SLC25A17: variants seen among roughly 807,000 people sequenced by gnomAD.
SLC25A17 encodes peroxisomal membrane protein PMP34.
Under a neutral mutation model 38.5 loss-of-function variants are expected in SLC25A17, and 26 were observed. The ratio of observed to expected loss-of-function variants is 0.68; its 90% confidence interval spans 0.50 to 0.94. The LOEUF is 0.94. Ranked by LOEUF, SLC25A17 falls within the 40% of genes least tolerant of loss-of-function variation. The pLI is 0.00. For missense variants in SLC25A17, 333 were observed against 372.7 expected, an observed-to-expected ratio of 0.89 and a Z score of 0.88; for synonymous variants, 139 against 136.2, an observed-to-expected ratio of 1.02 and a Z score of -0.14.
intron 4 of SLC25A17, among the ~76,000 whole-genome samples, chr22:40,783,630 C>T (rs930001865): frequency 6.6e-6 from 1 of 151,440 alleles, no homozygotes; most frequent in Admixed American, 6.6e-5. Context: ...TAATTTTTTA[C>T]CATTCCCAGC....
intron 1 of SLC25A17, among the ~76,000 whole-genome samples, chr22:40,809,969 T>C (rs1191824248): frequency 6.6e-6 from 1 of 152,234 alleles, no homozygotes. Flanking sequence ...TATCCTACAA[T>C]TAATGTCTTA....
At position 40,799,063 on chromosome 22, in the gene SLC25A17, T is replaced by C. The variant is rs764306741; in HGVS notation, c.75A>G (p.Thr25=). ...AGAVGSVTAM[T]VFFPLDTARL... is the part of the protein sequence containing the mutation. ...TAGCTGTATCCAGGGGAAAAAACAC[T>C]GTCATTGCTGTCACGCTTCCCTGAA... Residue 25 remains threonine (T), a synonymous_variant, in exon 2 of 9, where the codon ACA becomes ACG. Transcript: ENST00000435456. The C allele has an allele frequency of 1.2e-6, 2 of 1,613,696 alleles. No individual in the cohort carries two copies. The highest frequency in any genetic ancestry group is 1.7e-6 in the Non-Finnish European group (2 of 1,179,702).
chr22:40,800,095 TTTGC>T (rs1709911954), intron 1 of SLC25A17, among the ~76,000 whole-genome samples: 2 of 152,328 alleles, frequency 1.3e-5, no homozygotes, highest in Non-Finnish European at 2.9e-5. Flanking sequence ...GAAATAGTAG[TTTGC>T]TTGTGTTTTA....
rs538884575 is a variant in SLC25A17 at position 40,811,380 on chromosome 22, T to A, written c.54+7815A>T. 1.5e-4 allele frequency among the ~76,000 whole-genome samples: 23 copies of A among 151,882 alleles called. No individual in the cohort carries two copies. In the South Asian group the frequency reaches 4.6e-3, roughly 30 times the overall value. On this transcript the variant is annotated intron_variant, in intron 1 of 8. Coordinates refer to ENST00000435456, the MANE Select transcript of SLC25A17 (RefSeq NM_006358.4). ...TGCTGGGATTACAGGAGTGAGTCAATGAGCCTGGCCAATCGTGCAGTAACT... is the reference window on the plus strand; with the variant it reads ...TGCTGGGATTACAGGAGTGAGTCAAAGAGCCTGGCCAATCGTGCAGTAACT...
chr22:40,784,105 T>C (rs1425877041), intron 4 of SLC25A17, among the ~76,000 whole-genome samples: 1 of 152,194 alleles, frequency 6.6e-6, no homozygotes, highest in Non-Finnish European at 1.5e-5. Flanking sequence ...TCCTTGTTTA[T>C]TGTCTATCTT....
At chr22:40,781,399 C>T (rs2057293408) in intron 4 of SLC25A17, among the ~76,000 whole-genome samples, 1 of 152,126 alleles carries the variant, frequency 6.6e-6, no homozygotes, top group Admixed American at 6.5e-5. Flanking sequence ...GCGCCCGCCA[C>T]TGCGCCCGAC....
intron 4 of SLC25A17, chr22:40,779,659 A>C: frequency 6.1e-6 from 1 of 163,596 alleles, no homozygotes; most frequent in Non-Finnish European, 1.4e-5. Context: ...CTCGCTGAAG[A>C]GTTCCTCCTT....
chr22:40,776,022 A>G lies in SLC25A17; in HGVS notation c.693+1018T>C, dbSNP rs6002127. ...AATGCACTTTCGTCCACTCTGCCCC[A>G]CTAGGGCCTTACCCTCCTTTGCATC... On this transcript the variant is annotated intron_variant, in intron 7 of 8. Coordinates refer to ENST00000435456, the MANE Select transcript of SLC25A17 (RefSeq NM_006358.4). Among the ~76,000 whole-genome samples, 548 of 152,262 alleles carry G rather than the reference A, an allele frequency of 3.6e-3. 5 individuals carry two copies. Among genetic ancestry groups the G allele is most frequent in the African/African-American group, 0.013 (527 of 41,548 alleles).
At chr22:40,776,888 T>C in intron 7 of SLC25A17, 152 bp downstream of exon 7, 1 of 668,728 alleles carries the variant, frequency 1.5e-6, no homozygotes, top group South Asian at 1.9e-5. Context: ...AGGGAGATCC[T>C]GTCTCAAAAA....
At chr22:40,786,973 C>A (rs2057343892) in intron 4 of SLC25A17, among the ~76,000 whole-genome samples, 1 of 152,118 alleles carries the variant, frequency 6.6e-6, no homozygotes, top group African/African-American at 2.4e-5. Context: ...GTGGAAATAA[C>A]AAAAATGTAA....
At chr22:40,806,480 T>C (rs1192096502) in intron 1 of SLC25A17, among the ~76,000 whole-genome samples, 5 of 152,226 alleles carry the variant, frequency 3.3e-5, no homozygotes, top group Admixed American at 1.3e-4. Context: ...GGGAAATCCA[T>C]TGGGGCCAGA....
chr22:40,812,031 CTT>C (rs1602630068), intron 1 of SLC25A17, among the ~76,000 whole-genome samples: 1 of 151,160 alleles, frequency 6.6e-6, no homozygotes, highest in Non-Finnish European at 1.5e-5. Context: ...TTCTCTTTTT[CTT>C]TCTCTCTCTC....
chr22:40,795,884 T>C (rs2057425021), intron 2 of SLC25A17, among the ~76,000 whole-genome samples: 1 of 152,056 alleles, frequency 6.6e-6, no homozygotes, highest in African/African-American at 2.4e-5. Flanking sequence ...ACCTTCTGGG[T>C]GCAAGCAATT....
At chr22:40,782,265 C>T (rs115536530) in intron 4 of SLC25A17, among the ~76,000 whole-genome samples, 237 of 152,148 alleles carry the variant, frequency 1.6e-3, no homozygotes, top group African/African-American at 5.3e-3. Flanking sequence ...TCCGCCAGTT[C>T]CAAGCTGTGG....
chr22:40,790,340 C>CAAAAAAAA (rs138301), intron 4 of SLC25A17, among the ~76,000 whole-genome samples: 4 of 61,212 alleles, frequency 6.5e-5, no homozygotes, highest in Admixed American at 2.2e-4. Flanking sequence ...GACACAATCT[C>CAAAAAAAA]AAAAAAAAAA....
At position 40,774,519 on chromosome 22, in the gene SLC25A17, C is replaced by T. The variant is rs564024175; in HGVS notation, c.694-500G>A. On this transcript the variant is annotated intron_variant, in intron 7 of 8. Coordinates refer to ENST00000435456, the MANE Select transcript of SLC25A17 (RefSeq NM_006358.4). ...GATTACAGGCATGAGCCACCATGTCCGGCCTAAGAAAAATTTTTCAATGAA... is the reference window on the plus strand; with the variant it reads ...GATTACAGGCATGAGCCACCATGTCTGGCCTAAGAAAAATTTTTCAATGAA... Among the ~76,000 whole-genome samples, 322 of 152,170 alleles carry T rather than the reference C, an allele frequency of 2.1e-3. 1 individual carries two copies. Among genetic ancestry groups the T allele is most frequent in the Middle Eastern group, 3.4e-3 (1 of 294 alleles).
At chr22:40,797,556 A>G (rs2057441584) in intron 2 of SLC25A17, among the ~76,000 whole-genome samples, 1 of 152,212 alleles carries the variant, frequency 6.6e-6, no homozygotes, top group Non-Finnish European at 1.5e-5. Flanking sequence ...GATTGTAACA[A>G]ATCAAAATTA....
Position 40,794,506 on chromosome 22 carries a change from G to C in SLC25A17, c.182+8C>G. 6.3e-7 allele frequency: 1 copy of C among 1,585,964 alleles called. No individual in the cohort carries two copies. The highest frequency in any genetic ancestry group is 8.7e-7 in the Non-Finnish European group (1 of 1,155,836). ...GCTTTAACGAAGGTGAACTGAGGTA[G>C]TACTCACAGTCCTTCTTCTTTAATG... On this transcript the variant is annotated splice_region_variant and intron_variant, in intron 3 of 8. Coordinates refer to ENST00000435456, the MANE Select transcript of SLC25A17 (RefSeq NM_006358.4).
intron 4 of SLC25A17, among the ~76,000 whole-genome samples, chr22:40,791,481 C>G (rs1721506914): frequency 6.6e-6 from 1 of 152,100 alleles, no homozygotes; most frequent in Non-Finnish European, 1.5e-5. Flanking sequence ...TGCCAGGAAC[C>G]AGGGACAAAG....
Sources: allele counts gnomAD v4.1 joint callset (sites outside exome capture counted in the v4.1 genomes callset), GRCh38; gene constraint gnomAD v4.1.1; transcripts MANE v1.5; gene names NCBI Gene and HGNC (gene_info 2026-07-23, HGNC 2026-07-21).